MYO18A: variants seen among roughly 807,000 people sequenced by gnomAD.
MYO18A encodes the protein unconventional myosin-XVIIIa.
A neutral mutation model predicts 235.8 loss-of-function variants in MYO18A; 78 were observed. That is an observed-to-expected ratio of 0.33 (90% CI 0.28 to 0.40). The LOEUF (loss-of-function observed/expected upper bound fraction) is 0.40, where lower values mean the gene tolerates loss of function less well. Among genes scored for constraint, MYO18A ranks in the 10% least tolerant of loss-of-function variants. The pLI is 1.00. For synonymous variants in MYO18A, 977 were observed against 1,077.8 expected, an observed-to-expected ratio of 0.91 and a Z score of 1.83; for missense variants, 2,215 against 2,699.3, an observed-to-expected ratio of 0.82 and a Z score of 3.98.
chr17:29,085,502 T>C (rs1568040543), intron 40 of MYO18A, 102 bp downstream of exon 40: 4 of 1,003,528 alleles, frequency 4.0e-6, no homozygotes, highest in Admixed American at 3.9e-5. Context: ...GGGGAGGCTG[T>C]ATCCACATGC....
At chr17:29,115,912 C>G (rs1417242969) in intron 11 of MYO18A, 72 bp from the exon 12 acceptor site, 2 of 1,494,510 alleles carry the variant, frequency 1.3e-6, no homozygotes, top group Non-Finnish European at 1.8e-6. Context: ...TGATGACCAG[C>G]TGATGACTAT....
In MYO18A at chr17:29,098,127, T is replaced by G; in HGVS notation, c.3968A>C (p.Glu1323Ala). 1 of 1,613,676 alleles carries G rather than the reference T, an allele frequency of 6.2e-7. No homozygotes were observed. The highest frequency in any genetic ancestry group is 8.5e-7 in the Non-Finnish European group (1 of 1,179,868). Residue 1323 changes from glutamate to alanine, a missense_variant, in exon 25 of 42, where the codon GAG (glutamate) becomes GCG (alanine). Coordinates refer to ENST00000527372, the MANE Select transcript of MYO18A (RefSeq NM_078471.4). ...CACCTGCAGTTCCTTCATCTCCTTC[T>G]CAGCCCGGAGCCTCTCTGCTGTCTC... ...DAETAERLRA[E>A]KEMKELQTQY...
chr17:29,107,492 G>C, intron 19 of MYO18A: 1 of 322,150 alleles, frequency 3.1e-6, no homozygotes, highest in Non-Finnish European at 5.9e-6. Context: ...GGGGGGTTGT[G>C]GGGTAGCTGA....
At chr17:29,134,239 G>A (rs1228624142) in intron 2 of MYO18A, among the ~76,000 whole-genome samples, 3 of 150,642 alleles carry the variant, frequency 2.0e-5, no homozygotes, top group East Asian at 2.0e-4. Context: ...GCACCAACAC[G>A]CCCAGCTAAT....
intron 12 of MYO18A, 68 bp downstream of exon 12, chr17:29,115,596 C>T: frequency 1.5e-5 from 23 of 1,509,744 alleles, no homozygotes; most frequent in Non-Finnish European, 2.0e-5. Context: ...CCCTCCCGCC[C>T]CAGGGATGGC....
At position 29,118,119 on chromosome 17, in the gene MYO18A, G is replaced by A. The variant is rs1199140776; in HGVS notation, c.1964C>T (p.Ser655Phe). Residue 655 changes from serine to phenylalanine, a missense_variant, in exon 10 of 42, where the codon TCC (serine) becomes TTC (phenylalanine). Physicochemically the swap from Ser to Phe is radical, Grantham distance 155. Coordinates refer to ENST00000527372, the MANE Select transcript of MYO18A (RefSeq NM_078471.4). The surrounding 1 kb of genome is among the most constrained non-coding windows in gnomAD (Gnocchi z 4.2). ...LQAAMKVLGI[S>F]PDEQKACWFI... ...CCAGCAGGCCTTCTGTTCATCGGGG[G>A]AGATGCCCAGCACCTTCATGGCCGC... 7.5e-6 allele frequency: 12 copies of A among 1,595,946 alleles called. No homozygotes were observed. The highest frequency in any genetic ancestry group is 1.0e-5 in the Non-Finnish European group (12 of 1,170,878).
At position 29,111,281 on chromosome 17, in the gene MYO18A, G is replaced by A; in HGVS notation, c.2900+143C>T. ...GGCCCCTCAAGCTCCTCAAGGCCAA[G>A]TGCCCTGGGCTGTTGCCTCTCAGGA... is the stretch of plus-strand genomic sequence containing the variant. On this transcript the variant is annotated intron_variant, in intron 17 of 41. Transcript: ENST00000527372. The surrounding 1 kb of genome is among the most constrained non-coding windows in gnomAD (Gnocchi z 5.1). 1.1e-6 allele frequency: 1 copy of A among 926,704 alleles called. No individual in the cohort carries two copies. The highest frequency in any genetic ancestry group is 2.7e-5 in the Admixed American group (1 of 37,178). 57.4% of individuals were successfully genotyped at this position (926,704 alleles called of 1,614,324 possible).
At chr17:29,176,900 G>A (rs1031177267) in intron 1 of MYO18A, 1 of 152,144 alleles carries the variant, frequency 6.6e-6, no homozygotes, top group East Asian at 1.9e-4. Context: ...CGCAGCCGCA[G>A]CCCCGCGGCG....
chr17:29,121,934 GCTC>G lies in MYO18A; in HGVS notation c.1108_1110del (p.Glu370del), dbSNP rs1567611804. The G allele has an allele frequency of 1.2e-6, 2 of 1,613,868 alleles. No homozygotes were observed. The highest frequency in any genetic ancestry group is 1.1e-5 in the South Asian group (1 of 91,078). ...CGCACCTTCCCCTCAGGCAAGTTGA[GCTC>G]CTCAGATTTGAGTTGACTGGCTGCA... On this transcript the variant is annotated inframe_deletion, in exon 4 of 42. Transcript: ENST00000527372. The surrounding 1 kb of genome is among the most constrained non-coding windows in gnomAD (Gnocchi z 4.2).
At chr17:29,101,666 T>A (rs1568063901) in intron 21 of MYO18A, among the ~76,000 whole-genome samples, 2 of 152,060 alleles carry the variant, frequency 1.3e-5, no homozygotes, top group South Asian at 4.2e-4. Flanking sequence ...GTAAGGAATA[T>A]CCAAGTCCCG....
chr17:29,091,155 G>GCC, intron 34 of MYO18A: 1 of 523,854 alleles, frequency 1.9e-6, no homozygotes. Context: ...CCTCTGAGCT[G>GCC]AATGACAGCT....
At position 29,160,655 on chromosome 17, in the gene MYO18A, C is replaced by T. The variant is rs191703090; in HGVS notation, c.999+5287G>A. On this transcript the variant is annotated intron_variant, in intron 2 of 41. Transcript: ENST00000527372. ...AAAACCCAAACCCAGGTCTTTCTGG[C>T]TCCAAAGCCCATGCTCTTTCCACTG... 5.7e-3 allele frequency among the ~76,000 whole-genome samples: 869 copies of T among 152,338 alleles called. 6 individuals carry two copies. Among genetic ancestry groups the T allele is most frequent in the South Asian group, 0.019 (91 of 4,834 alleles).
At chr17:29,131,480 G>A in intron 2 of MYO18A, 1 of 969,736 alleles carries the variant, frequency 1.0e-6, no homozygotes, top group African/African-American at 1.8e-5. Context: ...GCAGGTCAAG[G>A]CTGGGAGACC....
rs1217116648 is a variant in MYO18A, at chr17:29,166,771, T to C, written c.170A>G (p.Lys57Arg). ...GGGGTTGGAGATTTCCAGGCGCGTC[T>C]TGGATTCACGCTTGGAGGAGCGGTT... is the stretch of plus-strand genomic sequence containing the variant. ...NLNRSSKRESKTRLEISNPIP... is the reference protein window; with the variant it reads ...NLNRSSKRESRTRLEISNPIP... The change falls in exon 2 of 42, where the codon AAG (lysine) becomes AGG (arginine). Residue 57 changes from lysine to arginine, a missense_variant. Transcript: ENST00000527372. 2 of 1,613,206 alleles carry C rather than the reference T, an allele frequency of 1.2e-6. No individual in the cohort carries two copies. The highest frequency in any genetic ancestry group is 1.3e-5 in the African/African-American group (1 of 74,900).
chr17:29,108,363 G>A (rs755334897), intron 19 of MYO18A, among the ~76,000 whole-genome samples: 1 of 152,188 alleles, frequency 6.6e-6, no homozygotes, highest in Non-Finnish European at 1.5e-5. Flanking sequence ...GTGGCTAGCA[G>A]GAAGTGACCC....
At position 29,109,851 on chromosome 17, in the gene MYO18A, GC is replaced by G. The variant is rs898154903; in HGVS notation, c.3331+6del. The G allele has an allele frequency of 6.5e-7, 1 of 1,550,040 alleles. No homozygotes were observed. Among genetic ancestry groups the G allele is most frequent in the Non-Finnish European group, 8.7e-7 (1 of 1,145,968 alleles). ...GAGCCCAGAGTGGAGAGGAAAGGAG[GC>G]CCCACCTTGGCGGTACATGCGCATG... On this transcript the variant is annotated splice_donor_region_variant and intron_variant, in intron 19 of 41. Transcript: ENST00000527372. This position sits in a 1 kb window ranked among gnomAD's most constrained non-coding sequence, Gnocchi z 4.1.
chr17:29,138,851 CCTGCA>C (rs2067668650), intron 2 of MYO18A, among the ~76,000 whole-genome samples: 1 of 152,206 alleles, frequency 6.6e-6, no homozygotes, highest in African/African-American at 2.4e-5. Flanking sequence ...CCCTGGTTCA[CCTGCA>C]CTGTTGTCCT....
At chr17:29,116,508 AAACAGTCATC>A in intron 10 of MYO18A, 53 bp from the exon 11 acceptor site, 1 of 1,613,254 alleles carries the variant, frequency 6.2e-7, no homozygotes, top group Non-Finnish European at 8.5e-7. Context: ...GTGTGTTAGC[AAACAGTCATC>A]AATAGAGCTC....
At position 29,115,850 on chromosome 17, in the gene MYO18A, G is replaced by A. The variant is rs1418547062; in HGVS notation, c.2051-10C>T. Reference sequence around the variant, plus strand: ...AACTGCTTGCGCCCAGCTGTGGAGTGGAAAAAGGGATCTGGCATCCTGGGT... The same window carrying A: ...AACTGCTTGCGCCCAGCTGTGGAGTAGAAAAAGGGATCTGGCATCCTGGGT... On this transcript the variant is annotated splice_polypyrimidine_tract_variant and intron_variant, in intron 11 of 41. Coordinates refer to ENST00000527372, the MANE Select transcript of MYO18A (RefSeq NM_078471.4). 4 of 1,567,700 alleles carry A rather than the reference G, an allele frequency of 2.6e-6. No individual in the cohort carries two copies. The highest frequency in any genetic ancestry group is 1.4e-5 in the African/African-American group (1 of 73,524).
Sources: gnomAD v4.1 joint callset for allele counts (sites outside exome capture counted in the v4.1 genomes callset) on GRCh38, gnomAD v4.1.1 for gene constraint, Gnocchi (gnomAD v3.1) non-coding constraint, MANE v1.5 for transcripts, NCBI Gene and HGNC (gene_info 2026-07-23, HGNC 2026-07-21) for gene names.